PSTPIP2: variants seen among roughly 807,000 people sequenced by gnomAD.
PSTPIP2 encodes proline-serine-threonine phosphatase-interacting protein 2.
In PSTPIP2, 33 loss-of-function variants were observed where a neutral mutation model predicts 63.3. The ratio of observed to expected loss-of-function variants is 0.52; its 90% CI spans 0.40 to 0.70. PSTPIP2 has a LOEUF of 0.70. Among genes scored for constraint, PSTPIP2 ranks in the 30% least tolerant of loss-of-function variants. PSTPIP2 has a pLI of 0.00. For synonymous variants in PSTPIP2, 125 were observed against 132.7 expected (o/e 0.94, Z 0.40); for missense variants, 312 against 400.7 (o/e 0.78, Z 1.89).
chr18:46,023,773 C>T (rs1231586130), intron 3 of PSTPIP2, among the ~76,000 whole-genome samples: 1 of 151,990 alleles, frequency 6.6e-6, no homozygotes, highest in East Asian at 1.9e-4. Context: ...TATGTCTCTT[C>T]AGAGGTCCTA....
At chr18:46,029,712 C>T in intron 2 of PSTPIP2, 4 of 669,500 alleles carry the variant, frequency 6.0e-6, no homozygotes, top group Non-Finnish European at 5.4e-6. Flanking sequence ...GTTCATCTTC[C>T]TTCCTGTACA....
At chr18:46,063,186 G>A (rs1476273274) in intron 1 of PSTPIP2, among the ~76,000 whole-genome samples, 1 of 151,830 alleles carries the variant, frequency 6.6e-6, no homozygotes, top group Admixed American at 6.6e-5. Context: ...AATTTTTTTT[G>A]TAGAGACAGG....
At chr18:46,000,480 C>T (rs1441128330) in intron 6 of PSTPIP2, among the ~76,000 whole-genome samples, 1 of 152,198 alleles carries the variant, frequency 6.6e-6, no homozygotes, top group Non-Finnish European at 1.5e-5. Flanking sequence ...GATTCTCCTG[C>T]CTCAGTCTCC....
chr18:46,004,164 T>G (rs1439357020), intron 6 of PSTPIP2, among the ~76,000 whole-genome samples: 1 of 152,242 alleles, frequency 6.6e-6, no homozygotes, highest in African/African-American at 2.4e-5. Flanking sequence ...ATCTATCAAC[T>G]AACACTATTT....
At chr18:46,025,683 TAA>T (rs35851535) in intron 2 of PSTPIP2, among the ~76,000 whole-genome samples, 88 of 114,652 alleles carry the variant, frequency 7.7e-4, no homozygotes, top group Admixed American at 7.9e-4. Flanking sequence ...TCACTACCAC[TAA>T]AAAAAAAAAA....
At chr18:46,059,381 T>C (rs928739240) in intron 1 of PSTPIP2, among the ~76,000 whole-genome samples, 4 of 152,056 alleles carry the variant, frequency 2.6e-5, no homozygotes, top group African/African-American at 7.2e-5. Context: ...ACCAAGTAGC[T>C]AGGATTACAG....
intron 3 of PSTPIP2, among the ~76,000 whole-genome samples, chr18:46,017,702 T>C (rs2051866879): frequency 6.6e-6 from 1 of 152,180 alleles, no homozygotes; most frequent in Non-Finnish European, 1.5e-5. Context: ...AATATGTACT[T>C]TGTGGAATGG....
chr18:46,015,417 G>A (rs2051842406), intron 4 of PSTPIP2, among the ~76,000 whole-genome samples: 1 of 152,158 alleles, frequency 6.6e-6, no homozygotes, highest in Admixed American at 6.5e-5. Context: ...TAGACAGTCT[G>A]GCTGAGGCAG....
intron 1 of PSTPIP2, among the ~76,000 whole-genome samples, chr18:46,062,317 G>A (rs577940556): frequency 2.2e-4 from 34 of 151,954 alleles, no homozygotes; most frequent in African/African-American, 6.3e-4. Context: ...GTACCCTATC[G>A]CACTCACCCA....
chr18:46,046,892 T>A (rs1908402324), intron 1 of PSTPIP2, among the ~76,000 whole-genome samples: 1 of 152,220 alleles, frequency 6.6e-6, no homozygotes, highest in African/African-American at 2.4e-5. Context: ...AAGGCTGCAG[T>A]TTGGTGCCTG....
rs545554449 is a variant in PSTPIP2 at position 46,048,430 on chromosome 18, G to A, written c.34-8383C>T. Among the ~76,000 whole-genome samples, 7 of 152,264 alleles carry A rather than the reference G, an allele frequency of 4.6e-5. No homozygotes were observed. The East Asian group carries it at 7.7e-4, about 17-fold the overall frequency. ...AATCATCTTGTTTTAAGCATAAGTC[G>A]GTGGTAATTTGTTACAGCAGCAACA... On this transcript the variant is annotated intron_variant, in intron 1 of 14. Transcript: ENST00000409746.
chr18:46,016,886 C>A (rs1156762368), intron 3 of PSTPIP2, among the ~76,000 whole-genome samples: 3 of 152,184 alleles, frequency 2.0e-5, no homozygotes, highest in Non-Finnish European at 4.4e-5. Context: ...AAGTTATAAG[C>A]TTTTAATGTC....
chr18:46,033,328 G>C (rs941922328), intron 2 of PSTPIP2, among the ~76,000 whole-genome samples: 10 of 152,180 alleles, frequency 6.6e-5, no homozygotes, highest in African/African-American at 2.4e-4. Context: ...TAGGGTCATT[G>C]CAGACGTAAT....
intron 5 of PSTPIP2, among the ~76,000 whole-genome samples, chr18:46,008,511 C>T (rs1250370123): frequency 1.3e-5 from 2 of 151,726 alleles, no homozygotes; most frequent in African/African-American, 4.8e-5. Context: ...GGGGTTTTGC[C>T]ATGTTGGCCA....
chr18:46,040,142 G>A (rs1282666302), intron 1 of PSTPIP2, 95 bp from the exon 2 acceptor site: 9 of 1,028,036 alleles, frequency 8.8e-6, no homozygotes, highest in African/African-American at 3.3e-5. Flanking sequence ...AGCTGGCCAC[G>A]GAACGTTGCT....
In PSTPIP2 at chr18:46,004,456, T is replaced by A. The variant is rs958933522; in HGVS notation, c.417+1013A>T. ...CAATCTCTGTCTTGCCAACATTTTTTAAATAAATTACTTAAAGGAAAAGTT... is the reference window on the plus strand; with the variant it reads ...CAATCTCTGTCTTGCCAACATTTTTAAAATAAATTACTTAAAGGAAAAGTT... On this transcript the variant is annotated intron_variant, in intron 6 of 14. Coordinates refer to ENST00000409746, the MANE Select transcript of PSTPIP2 (RefSeq NM_024430.4). Among the ~76,000 whole-genome samples, 4 of 152,352 alleles carry A rather than the reference T, an allele frequency of 2.6e-5. No homozygotes were observed. The East Asian group carries it at 7.7e-4, about 29-fold the overall frequency.
At chr18:46,023,211 C>T (rs1907438573) in intron 3 of PSTPIP2, among the ~76,000 whole-genome samples, 2 of 152,062 alleles carry the variant, frequency 1.3e-5, no homozygotes, top group Admixed American at 1.3e-4. Flanking sequence ...CAACAAATCC[C>T]CATAACACAT....
In PSTPIP2 at chr18:46,043,216, C is replaced by G. The variant is rs191300926; in HGVS notation, c.34-3169G>C. ...GCCTGGGCAACATAGCGAAACCTCA[C>G]CTCTCCTTAAAAAAAAAAAAAAAAA... On this transcript the variant is annotated intron_variant, in intron 1 of 14. Transcript: ENST00000409746. Among the ~76,000 whole-genome samples the G allele has an allele frequency of 6.2e-3, 879 of 141,696 alleles. 14 individuals are homozygous for G. Among genetic ancestry groups the G allele is most frequent in the African/African-American group, 0.022 (835 of 37,456 alleles). The allele number at this position is 141,696 out of a possible 152,430, so 93.0% of individuals were successfully genotyped here.
chr18:46,035,995 C>T (rs1195555200), intron 2 of PSTPIP2, among the ~76,000 whole-genome samples: 1 of 151,860 alleles, frequency 6.6e-6, no homozygotes, highest in African/African-American at 2.4e-5. Context: ...TGTGCTTTTC[C>T]AGCTGACAGA....
Sources: allele counts gnomAD v4.1 joint callset (sites outside exome capture counted in the v4.1 genomes callset), GRCh38; gene constraint gnomAD v4.1.1; transcripts MANE v1.5; gene names NCBI Gene and HGNC (gene_info 2026-07-23, HGNC 2026-07-21).